The following GALNTL6 variants were observed in gnomAD, a reference collection of about 807,000 sequenced individuals.
GALNTL6 encodes polypeptide N-acetylgalactosaminyltransferase-like 6.
GALNTL6 carries 46 observed loss-of-function variants against 73.7 expected under a neutral mutation model. The observed-to-expected ratio is 0.62, with a 90% CI of 0.49 to 0.80. The LOEUF is 0.80. Ranked by LOEUF, GALNTL6 falls within the 30% of genes least tolerant of loss-of-function variation. The pLI is 0.00. For synonymous variants in GALNTL6, 259 were observed against 263.7 expected (o/e 0.98, Z 0.17); for missense variants, 604 against 755.0 (o/e 0.80, Z 2.34).
At chr4:172,179,849 T>A (rs1400874277) in intron 2 of GALNTL6, among the ~76,000 whole-genome samples, 1 of 152,190 alleles carries the variant, frequency 6.6e-6, no homozygotes, top group Non-Finnish European at 1.5e-5. Context: ...CTATCACTGA[T>A]AGGCATTTGG....
At chr4:172,411,615 A>G (rs1222527040) in intron 5 of GALNTL6, among the ~76,000 whole-genome samples, 1 of 148,448 alleles carries the variant, frequency 6.7e-6, no homozygotes, top group Non-Finnish European at 1.5e-5. Flanking sequence ...GACATGTTGA[A>G]AAAAAAAAAA....
intron 5 of GALNTL6, among the ~76,000 whole-genome samples, chr4:172,514,169 A>G (rs990038880): frequency 2.0e-5 from 3 of 152,242 alleles, no homozygotes; most frequent in South Asian, 2.1e-4. Context: ...AGAGCTCCCA[A>G]GAGATTATGT....
At chr4:172,984,786 AAAT>A (rs1198051019) in intron 10 of GALNTL6, among the ~76,000 whole-genome samples, 2 of 152,174 alleles carry the variant, frequency 1.3e-5, no homozygotes, top group South Asian at 2.1e-4. Context: ...AAATTAATAA[AAAT>A]AATAAATTAA....
chr4:172,871,262 T>C (rs1470715212), intron 7 of GALNTL6, among the ~76,000 whole-genome samples: 1 of 152,148 alleles, frequency 6.6e-6, no homozygotes, highest in Non-Finnish European at 1.5e-5. Flanking sequence ...TTTTATTTCC[T>C]TCAGGTTCTT....
intron 9 of GALNTL6, 67 bp downstream of exon 9, chr4:172,931,335 T>G (rs1181572422): frequency 3.2e-5 from 29 of 895,326 alleles, no homozygotes; most frequent in Non-Finnish European, 4.6e-5. Context: ...TAACCAACCT[T>G]GCCCATGGCA....
chr4:172,575,910 T>G (rs151151358), intron 5 of GALNTL6, among the ~76,000 whole-genome samples: 7 of 152,304 alleles, frequency 4.6e-5, no homozygotes, highest in Non-Finnish European at 1.0e-4. Context: ...AATTATTTAA[T>G]TGGTTTTAGT....
intron 5 of GALNTL6, among the ~76,000 whole-genome samples, chr4:172,383,466 T>C (rs1451350059): frequency 6.6e-6 from 1 of 152,170 alleles, no homozygotes; most frequent in Non-Finnish European, 1.5e-5. Flanking sequence ...AATTCTGCAA[T>C]CTTGCTGGAA....
intron 5 of GALNTL6, among the ~76,000 whole-genome samples, chr4:172,563,712 G>A (rs1032923924): frequency 4.6e-5 from 7 of 152,182 alleles, no homozygotes; most frequent in African/African-American, 1.7e-4. Context: ...CATTCTTCAT[G>A]CTTTCAAAGA....
At chr4:172,935,945 T>C (rs962720224) in intron 9 of GALNTL6, among the ~76,000 whole-genome samples, 4 of 152,138 alleles carry the variant, frequency 2.6e-5, no homozygotes, top group East Asian at 1.9e-4. Flanking sequence ...GCCAGCATCA[T>C]CCTGATACCA....
At chr4:172,543,152 A>G (rs1735633860) in intron 5 of GALNTL6, among the ~76,000 whole-genome samples, 2 of 152,162 alleles carry the variant, frequency 1.3e-5, no homozygotes, top group African/African-American at 2.4e-5. Context: ...TGCGATTTGC[A>G]TCACAGGGAA....
chr4:172,547,077 A>G (rs2110890092), intron 5 of GALNTL6, among the ~76,000 whole-genome samples: 1 of 151,890 alleles, frequency 6.6e-6, no homozygotes, highest in Middle Eastern at 3.4e-3. Flanking sequence ...TTATCAACAA[A>G]ACTATTATAG....
intron 5 of GALNTL6, among the ~76,000 whole-genome samples, chr4:172,435,951 C>A (rs1418264354): frequency 6.6e-6 from 1 of 152,150 alleles, no homozygotes; most frequent in South Asian, 2.1e-4. Flanking sequence ...CATCCTTTCA[C>A]GTGTGAAATT....
chr4:172,820,128 G>A (rs1289605551), intron 7 of GALNTL6, among the ~76,000 whole-genome samples: 1 of 152,214 alleles, frequency 6.6e-6, no homozygotes, highest in Non-Finnish European at 1.5e-5. Context: ...CTAAGATCAA[G>A]CCTCTGTTCA....
intron 10 of GALNTL6, among the ~76,000 whole-genome samples, chr4:172,975,933 A>G (rs757678421): frequency 6.6e-6 from 1 of 152,110 alleles, no homozygotes; most frequent in Non-Finnish European, 1.5e-5. Flanking sequence ...CCAGGCCCCT[A>G]AGAGTGCAGG....
At chr4:172,740,855 G>A (rs533127999) in intron 5 of GALNTL6, among the ~76,000 whole-genome samples, 33 of 152,030 alleles carry the variant, frequency 2.2e-4, no homozygotes, top group Non-Finnish European at 3.1e-4. Context: ...GTGAGTTACC[G>A]TGCTATTGGC....
chr4:172,994,338 C>T (rs1751678830), intron 10 of GALNTL6, among the ~76,000 whole-genome samples: 2 of 152,106 alleles, frequency 1.3e-5, no homozygotes, highest in African/African-American at 4.8e-5. Context: ...AACTTTAAGG[C>T]TAGACCTTTG....
At chr4:172,711,945 A>G (rs530511011) in intron 5 of GALNTL6, among the ~76,000 whole-genome samples, 2 of 152,304 alleles carry the variant, frequency 1.3e-5, no homozygotes, top group South Asian at 4.1e-4. Context: ...CAAGGGAAAC[A>G]GAAGGAAAAC....
At chr4:172,764,220 A>G (rs1738274998) in intron 5 of GALNTL6, among the ~76,000 whole-genome samples, 1 of 152,194 alleles carries the variant, frequency 6.6e-6, no homozygotes, top group Admixed American at 6.5e-5. Flanking sequence ...CGTCTCCCAA[A>G]GTGCTGGATT....
intron 5 of GALNTL6, among the ~76,000 whole-genome samples, chr4:172,697,366 G>A (rs1296312495): frequency 6.6e-6 from 1 of 152,178 alleles, no homozygotes; most frequent in Non-Finnish European, 1.5e-5. Flanking sequence ...GTTAAATCAG[G>A]TGGATGACAA....
Sources: gnomAD v4.1 joint callset for allele counts (sites outside exome capture counted in the v4.1 genomes callset) on GRCh38, gnomAD v4.1.1 for gene constraint, MANE v1.5 for transcripts, NCBI Gene and HGNC (gene_info 2026-07-23, HGNC 2026-07-21) for gene names.